Variants in DLG2 observed in about 807,000 individuals in gnomAD.
DLG2 encodes the protein disks large homolog 2.
In DLG2, 45 loss-of-function variants were observed where a neutral mutation model predicts 132.5. That is an observed-to-expected ratio of 0.34 (90% confidence interval 0.27 to 0.44). The LOEUF (loss-of-function observed/expected upper bound fraction) is 0.44, where lower values mean the gene tolerates loss of function less well. DLG2 is among the 20% of genes least tolerant of loss of function. DLG2 has a pLI of 1.00. For missense variants in DLG2, 1,045 were observed against 1,196.9 expected, an observed-to-expected ratio of 0.87 and a Z score of 1.87; for synonymous variants, 424 against 419.6, an observed-to-expected ratio of 1.01 and a Z score of -0.13.
At chr11:84,291,537 A>G (rs2097997956) in intron 7 of DLG2, among the ~76,000 whole-genome samples, 1 of 152,210 alleles carries the variant, frequency 6.6e-6, no homozygotes, top group South Asian at 2.1e-4. Flanking sequence ...ATATAAGCTT[A>G]TTAAATAAAG....
At chr11:84,241,626 A>G (rs1301293860) in intron 8 of DLG2, among the ~76,000 whole-genome samples, 1 of 152,188 alleles carries the variant, frequency 6.6e-6, no homozygotes, top group Non-Finnish European at 1.5e-5. Flanking sequence ...CCAGGATTAA[A>G]CACTCATTCA....
chr11:84,808,645 C>A (rs2076247336), intron 6 of DLG2, among the ~76,000 whole-genome samples: 1 of 151,782 alleles, frequency 6.6e-6, no homozygotes, highest in Admixed American at 6.6e-5. Context: ...CTGGAGACAT[C>A]CAGAGGACAA....
chr11:84,093,404 G>A (rs549560840), intron 10 of DLG2, among the ~76,000 whole-genome samples: 115 of 152,250 alleles, frequency 7.6e-4, no homozygotes, highest in African/African-American at 1.3e-3. Context: ...CAGCAACAAC[G>A]TGTCAAGTAC....
chr11:84,512,397 A>C (rs2099259534), intron 7 of DLG2, among the ~76,000 whole-genome samples: 1 of 152,122 alleles, frequency 6.6e-6, no homozygotes, highest in Non-Finnish European at 1.5e-5. Flanking sequence ...GATTTGAAAG[A>C]ATCTGAGGAA....
chr11:84,830,028 T>C (rs983966656), intron 6 of DLG2, among the ~76,000 whole-genome samples: 3 of 151,612 alleles, frequency 2.0e-5, no homozygotes, highest in Non-Finnish European at 4.4e-5. Flanking sequence ...ACAGGAAACA[T>C]CAGTGAAAAA....
chr11:84,434,034 C>T (rs1375100263), intron 7 of DLG2, among the ~76,000 whole-genome samples: 1 of 151,350 alleles, frequency 6.6e-6, no homozygotes, highest in Non-Finnish European at 1.5e-5. Flanking sequence ...GGGAGGATCA[C>T]CTGAGTCTGG....
intron 3 of DLG2, among the ~76,000 whole-genome samples, chr11:85,376,665 A>G (rs1565399181): frequency 6.6e-6 from 1 of 152,188 alleles, no homozygotes; most frequent in East Asian, 1.9e-4. Context: ...GTTATTCCCT[A>G]CTGTAAGTAC....
chr11:85,157,486 C>T (rs192912508), intron 4 of DLG2, among the ~76,000 whole-genome samples: 1 of 151,890 alleles, frequency 6.6e-6, no homozygotes, highest in Non-Finnish European at 1.5e-5. Context: ...ATTCACCATT[C>T]GTGAGAGGCA....
At chr11:85,624,189 A>G (rs2081914882) in intron 2 of DLG2, among the ~76,000 whole-genome samples, 1 of 152,184 alleles carries the variant, frequency 6.6e-6, no homozygotes, top group Non-Finnish European at 1.5e-5. Flanking sequence ...AGCAGTTAAT[A>G]TGGGGTTTGA....
chr11:85,504,079 T>C (rs1440028566), intron 3 of DLG2, among the ~76,000 whole-genome samples: 1 of 152,206 alleles, frequency 6.6e-6, no homozygotes. Flanking sequence ...TCCTTGTAAA[T>C]TTGTTTAAGT....
intron 18 of DLG2, among the ~76,000 whole-genome samples, chr11:83,652,810 G>A (rs941965905): frequency 5.9e-5 from 9 of 152,132 alleles, no homozygotes; most frequent in African/African-American, 1.9e-4. Flanking sequence ...ATCTCCCTTT[G>A]ATAAGACTAA....
chr11:83,812,312 GT>G (rs1464201513), intron 17 of DLG2, among the ~76,000 whole-genome samples: 2 of 152,178 alleles, frequency 1.3e-5, no homozygotes, highest in Non-Finnish European at 2.9e-5. Context: ...ATGGTTTGTG[GT>G]TGTGTTTAAC....
At chr11:84,881,811 C>T (rs1324526930) in intron 6 of DLG2, among the ~76,000 whole-genome samples, 1 of 152,044 alleles carries the variant, frequency 6.6e-6, no homozygotes, top group African/African-American at 2.4e-5. Flanking sequence ...CTGGAAGTGA[C>T]ACAAAGAAAC....
In DLG2 at chr11:84,885,368, C is replaced by G. The variant is rs996067262; in HGVS notation, c.357+226293G>C. ...TTTTTTTAAGAGATGGGGTCTTGCT[C>G]TGTCACCCAAGGATAGATTGCAGTG... On this transcript the variant is annotated intron_variant, in intron 6 of 27. Coordinates refer to ENST00000376104, the MANE Select transcript of DLG2 (RefSeq NM_001142699.3). 6.6e-5 allele frequency among the ~76,000 whole-genome samples: 10 copies of G among 152,026 alleles called. 1 individual carries two copies. The highest frequency in any genetic ancestry group is 1.9e-4 in the African/African-American group (8 of 41,414).
At chr11:84,228,221 C>G (rs2097035182) in intron 8 of DLG2, among the ~76,000 whole-genome samples, 2 of 152,126 alleles carry the variant, frequency 1.3e-5, no homozygotes, top group African/African-American at 4.8e-5. Context: ...TATGGAATTC[C>G]CCTATTGCTT....
intron 6 of DLG2, among the ~76,000 whole-genome samples, chr11:84,579,012 T>A (rs896392055): frequency 6.6e-6 from 1 of 152,168 alleles, no homozygotes; most frequent in Non-Finnish European, 1.5e-5. Context: ...TTTACTTCTT[T>A]CCCATTTTTC....
chr11:84,199,048 A>G (rs1243272877), intron 8 of DLG2, among the ~76,000 whole-genome samples: 1 of 152,146 alleles, frequency 6.6e-6, no homozygotes, highest in Non-Finnish European at 1.5e-5. Context: ...TATTATTTGC[A>G]CGTCATAAAA....
intron 6 of DLG2, among the ~76,000 whole-genome samples, chr11:84,943,619 A>T (rs914863050): frequency 1.3e-5 from 2 of 152,196 alleles, no homozygotes; most frequent in African/African-American, 4.8e-5. Flanking sequence ...AAAACTAATG[A>T]AAACTCAACA....
At chr11:84,496,867 A>T (rs1274801689) in intron 7 of DLG2, among the ~76,000 whole-genome samples, 1 of 152,160 alleles carries the variant, frequency 6.6e-6, no homozygotes. Flanking sequence ...TGGACATGGT[A>T]AAAAACTGAC....
Sources: gnomAD v4.1 joint callset for allele counts (sites outside exome capture counted in the v4.1 genomes callset) on GRCh38, gnomAD v4.1.1 for gene constraint, MANE v1.5 for transcripts, NCBI Gene and HGNC (gene_info 2026-07-23, HGNC 2026-07-21) for gene names.